CALN1: variants seen among roughly 807,000 people sequenced by gnomAD.
The protein encoded by CALN1 is calneuron 1, also known as calcium-binding protein 8.
In CALN1, 17 loss-of-function variants were observed where a neutral mutation model predicts 30.6. The ratio of observed to expected loss-of-function variants is 0.56; its 90% CI spans 0.38 to 0.83. CALN1 has a LOEUF of 0.83. Ranked by LOEUF, CALN1 falls within the 40% of genes least tolerant of loss-of-function variation. The pLI is 0.00. For missense variants in CALN1, 291 were observed against 354.9 expected (o/e 0.82, Z 1.45); for synonymous variants, 156 against 131.4 (o/e 1.19, Z -1.28).
intron 5 of CALN1, among the ~76,000 whole-genome samples, chr7:71,829,151 C>T (rs539261775): frequency 3.3e-5 from 5 of 152,260 alleles, no homozygotes; most frequent in South Asian, 2.1e-4. Flanking sequence ...CACAGGTACG[C>T]GTCCTTAACC....
intron 1 of CALN1, among the ~76,000 whole-genome samples, chr7:72,408,999 CA>C (rs142774358): frequency 0.028 from 4,249 of 151,172 alleles, 195 homozygotes; most frequent in African/African-American, 0.097. Context: ...TTTTTTGGGG[CA>C]GGGGGGCAGC....
chr7:72,288,191 G>A (rs1798227660), intron 2 of CALN1, among the ~76,000 whole-genome samples: 1 of 152,066 alleles, frequency 6.6e-6, no homozygotes, highest in South Asian at 2.1e-4. Flanking sequence ...TTCCAAGATG[G>A]TGCACTCACA....
chr7:72,046,693 G>C lies in CALN1; in HGVS notation c.389-22924C>G, dbSNP rs368526750. ...CCATTGTACTCCAGCCTGGGCAACA[G>C]AGCGAGACTCCCTCTTAAAAAAAAA... On this transcript the variant is annotated intron_variant, in intron 4 of 6. Transcript: ENST00000395275. 5.5e-4 allele frequency among the ~76,000 whole-genome samples: 64 copies of C among 117,212 alleles called. No homozygotes were observed. In the East Asian group the frequency reaches 0.015, roughly 27 times the overall value. The allele number at this position is 117,212 out of a possible 152,430, so 76.9% of individuals were successfully genotyped here. A position where few individuals can be genotyped will look rare whatever the true frequency, so the allele number is the denominator to read the frequency against.
chr7:72,248,090 CTG>C (rs1795312995), intron 3 of CALN1, among the ~76,000 whole-genome samples: 1 of 152,188 alleles, frequency 6.6e-6, no homozygotes. Flanking sequence ...TGTATTCCTT[CTG>C]GAGGCTCTAG....
chr7:72,056,523 A>G (rs1803266752), intron 4 of CALN1, among the ~76,000 whole-genome samples: 1 of 152,156 alleles, frequency 6.6e-6, no homozygotes, highest in Non-Finnish European at 1.5e-5. Flanking sequence ...TTGGCATTTT[A>G]CTCTAGAACA....
intron 2 of CALN1, among the ~76,000 whole-genome samples, chr7:72,399,928 G>A (rs1292192088): frequency 3.9e-5 from 6 of 152,128 alleles, no homozygotes; most frequent in Non-Finnish European, 7.3e-5. Context: ...TTGTTAAAAA[G>A]AGCCTGGCAT....
chr7:71,978,262 C>CTATTTTTTTT (rs1173448154), intron 5 of CALN1, among the ~76,000 whole-genome samples: 5 of 72,936 alleles, frequency 6.9e-5, no homozygotes, highest in Non-Finnish European at 1.3e-4. Flanking sequence ...CTAGAGAATT[C>CTATTTTTTTT]TTTTTTTTTT....
intron 2 of CALN1, among the ~76,000 whole-genome samples, chr7:72,335,774 G>A (rs1184710793): frequency 1.3e-5 from 2 of 152,216 alleles, no homozygotes; most frequent in Non-Finnish European, 2.9e-5. Flanking sequence ...CTGGTGGCCC[G>A]GGCGCACGTG....
chr7:72,066,396 A>G (rs536374584), intron 4 of CALN1, among the ~76,000 whole-genome samples: 1 of 152,194 alleles, frequency 6.6e-6, no homozygotes, highest in East Asian at 1.9e-4. Flanking sequence ...TTCTATCTTA[A>G]CCACACACAT....
upstream of CALN1, among the ~76,000 whole-genome samples, chr7:72,450,433 C>T (rs1214805574): frequency 1.3e-5 from 2 of 152,192 alleles, no homozygotes; most frequent in African/African-American, 4.8e-5. Context: ...GGGCCATCTC[C>T]AAGTAAAGTG....
intron 5 of CALN1, among the ~76,000 whole-genome samples, chr7:71,910,186 C>T (rs1584493178): frequency 6.6e-6 from 1 of 152,278 alleles, no homozygotes; most frequent in South Asian, 2.1e-4. Context: ...AACTGTATCA[C>T]CCAGGAAGAC....
chr7:72,372,947 T>C lies in CALN1; in HGVS notation c.119+30304A>G, dbSNP rs888287979. Among the ~76,000 whole-genome samples, 3 of 151,298 alleles carry C rather than the reference T, an allele frequency of 2.0e-5. 1 individual carries two copies. The highest frequency in any genetic ancestry group is 2.0e-4 in the Admixed American group (3 of 15,246). ...CAAAATGACATGGATGTTGGAATTATCTGGCAAATTATCTGGCAAAAAGGT... is the reference window on the plus strand; with the variant it reads ...CAAAATGACATGGATGTTGGAATTACCTGGCAAATTATCTGGCAAAAAGGT... On this transcript the variant is annotated intron_variant, in intron 2 of 6. Transcript: ENST00000395275.
At chr7:72,016,687 G>A (rs923770225) in intron 5 of CALN1, among the ~76,000 whole-genome samples, 1 of 151,824 alleles carries the variant, frequency 6.6e-6, no homozygotes, top group African/African-American at 2.4e-5. Flanking sequence ...GAAGTGCTGG[G>A]ATTATAGGTA....
intron 3 of CALN1, among the ~76,000 whole-genome samples, chr7:72,259,690 G>A (rs1453624130): frequency 6.6e-6 from 1 of 152,030 alleles, no homozygotes; most frequent in Non-Finnish European, 1.5e-5. Context: ...CCCAGTTATT[G>A]CAAACATCAA....
intron 1 of CALN1, among the ~76,000 whole-genome samples, chr7:72,440,401 A>G (rs926238163): frequency 1.3e-5 from 2 of 152,214 alleles, no homozygotes; most frequent in African/African-American, 2.4e-5. Context: ...CAGTTTTATG[A>G]CCAGCCAGGC....
chr7:72,084,428 C>T (rs1290013383), intron 4 of CALN1, among the ~76,000 whole-genome samples: 1 of 149,220 alleles, frequency 6.7e-6, no homozygotes, highest in African/African-American at 2.5e-5. Flanking sequence ...CTGATCTTGG[C>T]TCACACTGCA....
At position 71,784,104 on chromosome 7, in the gene CALN1, G is replaced by A. The variant is rs1792860656; in HGVS notation, c.*3671C>T. On this transcript the variant is annotated 3_prime_UTR_variant, in exon 7 of 7. Coordinates refer to ENST00000395275, the MANE Select transcript of CALN1 (RefSeq NM_031468.4). ...TAATATCTTGTTTGCCTTCCAAGAT[G>A]ATATTTCTGTCAATTTACCTAGATT... is the stretch of plus-strand genomic sequence containing the variant. The A allele has an allele frequency of 6.6e-6, 1 of 152,136 alleles. No homozygotes were observed. The highest frequency in any genetic ancestry group is 1.5e-5 in the Non-Finnish European group (1 of 68,036). 9.4% of individuals were successfully genotyped at this position (152,136 alleles called of 1,614,324 possible). A position where few individuals can be genotyped will look rare whatever the true frequency, so the allele number is the denominator to read the frequency against.
chr7:72,007,312 G>A (rs1373192425), intron 5 of CALN1, among the ~76,000 whole-genome samples: 2 of 152,196 alleles, frequency 1.3e-5, no homozygotes, highest in Non-Finnish European at 2.9e-5. Context: ...TTGGTAGGCC[G>A]AAGTGGGCAG....
At chr7:71,997,233 TAAAAAAA>T (rs557353720) in intron 5 of CALN1, among the ~76,000 whole-genome samples, 212 of 133,618 alleles carry the variant, frequency 1.6e-3, no homozygotes, top group African/African-American at 5.7e-3. Flanking sequence ...ATCCTGTCTC[TAAAAAAA>T]AAAAGAAAGA....
Sources: gnomAD v4.1 joint callset for allele counts (sites outside exome capture counted in the v4.1 genomes callset) on GRCh38, gnomAD v4.1.1 for gene constraint, MANE v1.5 for transcripts, NCBI Gene and HGNC (gene_info 2026-07-23, HGNC 2026-07-21) for gene names.